The following RAB38 variants were observed in gnomAD, a reference collection of about 807,000 sequenced individuals.
The protein encoded by RAB38 is ras-related protein Rab-38.
RAB38 carries 15 observed loss-of-function variants against 18.4 expected under a neutral mutation model. That is an observed-to-expected ratio of 0.82 (90% CI 0.55 to 1.26). The LOEUF is 1.26. Among genes scored for constraint, RAB38 ranks in the 50% most tolerant of loss-of-function variants. The pLI is 0.00. For synonymous variants in RAB38, 101 were observed against 104.4 expected (o/e 0.97, Z 0.20); for missense variants, 294 against 267.4 (o/e 1.10, Z -0.69).
the RAB38 span, among the ~76,000 whole-genome samples, chr11:87,928,795 TTACTC>T: frequency 1.3e-5 from 2 of 152,018 alleles, no homozygotes; most frequent in African/African-American, 4.8e-5. Flanking sequence ...AAATCACTCA[TTACTC>T]TACTATTTTT....
the RAB38 span, among the ~76,000 whole-genome samples, chr11:88,009,667 C>A: frequency 1.3e-5 from 2 of 151,996 alleles, no homozygotes; most frequent in Non-Finnish European, 1.5e-5. Flanking sequence ...ATCAAAATAC[C>A]AAAGGAGTAA....
chr11:87,851,480 T>C, the RAB38 span, among the ~76,000 whole-genome samples: 1 of 152,200 alleles, frequency 6.6e-6, no homozygotes, highest in Non-Finnish European at 1.5e-5. Context: ...AGTGGGAATG[T>C]TGAAAGATAA....
chr11:88,069,442 CAT>C, the RAB38 span, among the ~76,000 whole-genome samples: 1 of 152,210 alleles, frequency 6.6e-6, no homozygotes, highest in African/African-American at 2.4e-5. Context: ...GCACATGGCA[CAT>C]GACTGGCGGG....
rs566099423 is a variant in RAB38 at position 88,126,273 on chromosome 11, G to A, written c.484-12133C>T. Among the ~76,000 whole-genome samples, 208 of 152,196 alleles carry A rather than the reference G, an allele frequency of 1.4e-3. 4 individuals carry two copies. The highest frequency in any genetic ancestry group is 4.6e-3 in the African/African-American group (190 of 41,516). ...GCACACGTATGTTTATTGCAGCATT[G>A]TTCACAATAGCAAAGACTTGGAACC... On this transcript the variant is annotated intron_variant, in intron 2 of 2. Coordinates refer to ENST00000243662, the MANE Select transcript of RAB38 (RefSeq NM_022337.3).
the RAB38 span, among the ~76,000 whole-genome samples, chr11:87,935,086 C>T: frequency 6.6e-6 from 1 of 151,956 alleles, no homozygotes; most frequent in Non-Finnish European, 1.5e-5. Context: ...CTTCCAGTCT[C>T]CTTCAAGGGG....
chr11:88,041,647 A>T, the RAB38 span, among the ~76,000 whole-genome samples: 1 of 152,260 alleles, frequency 6.6e-6, no homozygotes, highest in Admixed American at 6.5e-5. Flanking sequence ...TTGGCAGCAC[A>T]TGCCTAGCCC....
chr11:87,835,185 A>G, the RAB38 span, among the ~76,000 whole-genome samples: 1 of 152,208 alleles, frequency 6.6e-6, no homozygotes, highest in African/African-American at 2.4e-5. Flanking sequence ...AAGCTGGGGA[A>G]CTACACTAAG....
the RAB38 span, among the ~76,000 whole-genome samples, chr11:88,080,165 T>C: frequency 6.6e-6 from 1 of 151,726 alleles, no homozygotes; most frequent in South Asian, 2.1e-4. Context: ...ATCAAAAGCT[T>C]CTACAAGTAA....
chr11:88,138,370 A>G (rs1386327), intron 2 of RAB38, among the ~76,000 whole-genome samples: 16,080 of 152,226 alleles, frequency 0.11, 1,088 homozygotes, highest in African/African-American at 0.18. Context: ...GATTCAACCA[A>G]AAGCAGTGAT....
chr11:88,011,242 A>G, the RAB38 span, among the ~76,000 whole-genome samples: 1 of 152,236 alleles, frequency 6.6e-6, no homozygotes, highest in East Asian at 1.9e-4. Flanking sequence ...TCCTTTAACA[A>G]CTATTTATTG....
chr11:88,037,267 A>G, the RAB38 span, among the ~76,000 whole-genome samples: 3 of 151,982 alleles, frequency 2.0e-5, no homozygotes, highest in Non-Finnish European at 4.4e-5. Context: ...AAGTTTGTTC[A>G]TTTCATTTTT....
the RAB38 span, among the ~76,000 whole-genome samples, chr11:88,012,612 T>C: frequency 6.6e-6 from 1 of 152,130 alleles, no homozygotes; most frequent in Non-Finnish European, 1.5e-5. Flanking sequence ...TCTGTGCCCT[T>C]TGTCTTGTGA....
At chr11:88,076,212 A>G in the RAB38 span, among the ~76,000 whole-genome samples, 1 of 152,094 alleles carries the variant, frequency 6.6e-6, no homozygotes, top group South Asian at 2.1e-4. Flanking sequence ...AAATTAGAAA[A>G]CCTATAAGAA....
chr11:88,038,407 T>C, the RAB38 span, among the ~76,000 whole-genome samples: 2 of 152,234 alleles, frequency 1.3e-5, no homozygotes, highest in African/African-American at 4.8e-5. Flanking sequence ...TATATTTTTC[T>C]CCATAATGTT....
the RAB38 span, among the ~76,000 whole-genome samples, chr11:88,022,767 C>A: frequency 1.3e-5 from 2 of 151,914 alleles, no homozygotes; most frequent in Non-Finnish European, 2.9e-5. Context: ...GTATGTGTAC[C>A]ACATTTTCTT....
At chr11:88,143,459 G>A (rs1942942289) in intron 2 of RAB38, among the ~76,000 whole-genome samples, 1 of 152,180 alleles carries the variant, frequency 6.6e-6, no homozygotes, top group Admixed American at 6.5e-5. Context: ...AATGAGCACA[G>A]CTGAGTTCCA....
At chr11:88,032,268 A>G in the RAB38 span, among the ~76,000 whole-genome samples, 19 of 152,370 alleles carry the variant, frequency 1.2e-4, no homozygotes, top group Non-Finnish European at 2.6e-4. Flanking sequence ...ACCTAAAACC[A>G]TAACAACCCT....
At chr11:88,154,701 G>C (rs1013053006) in intron 1 of RAB38, among the ~76,000 whole-genome samples, 1 of 152,198 alleles carries the variant, frequency 6.6e-6, no homozygotes, top group Non-Finnish European at 1.5e-5. Flanking sequence ...TGTTCAGCTG[G>C]AGCAGTAGTC....
At chr11:87,932,366 C>G in the RAB38 span, among the ~76,000 whole-genome samples, 2 of 152,004 alleles carry the variant, frequency 1.3e-5, no homozygotes, top group Admixed American at 1.3e-4. Context: ...TTTTGTGCCA[C>G]CAGAAGGGAG....
Sources: allele counts gnomAD v4.1 joint callset (sites outside exome capture counted in the v4.1 genomes callset), GRCh38; gene constraint gnomAD v4.1.1; transcripts MANE v1.5; gene names NCBI Gene and HGNC (gene_info 2026-07-23, HGNC 2026-07-21).